NTM: variants seen among roughly 807,000 people sequenced by gnomAD.
The protein encoded by NTM is IgLON family member 2.
In NTM, 13 loss-of-function variants were observed where a neutral mutation model predicts 42.1. The ratio of observed to expected loss-of-function variants is 0.31; its 90% CI spans 0.20 to 0.49. The LOEUF (loss-of-function observed/expected upper bound fraction) is 0.49, where lower values mean the gene tolerates loss of function less well. Among genes scored for constraint, NTM ranks in the 20% least tolerant of loss-of-function variants. NTM has a pLI of 0.99. For synonymous variants in NTM, 187 were observed against 179.2 expected, an observed-to-expected ratio of 1.04 and a Z score of -0.35; for missense variants, 373 against 452.8, an observed-to-expected ratio of 0.82 and a Z score of 1.60.
At position 132,307,838 on chromosome 11, in the gene NTM, C is replaced by T. The variant is rs2095144986; in HGVS notation, c.661+15C>T. The T allele has an allele frequency of 5.0e-6, 8 of 1,613,176 alleles. No individual in the cohort carries two copies. The highest frequency in any genetic ancestry group is 6.8e-6 in the Non-Finnish European group (8 of 1,179,488). The stretch of plus-strand genomic sequence containing the variant: ...CACCGTGAACTGTAAGTGTTCTCAC[C>T]ACCACGCGCCCTGCACGTGCATCAG... On this transcript the variant is annotated intron_variant, in intron 5 of 8. Coordinates refer to ENST00000683400, the MANE Select transcript of NTM (RefSeq NM_001352005.2).
chr11:131,906,374 G>T (rs1716633442), intron 1 of NTM, among the ~76,000 whole-genome samples: 1 of 152,072 alleles, frequency 6.6e-6, no homozygotes, highest in South Asian at 2.1e-4. Flanking sequence ...TTCTAGTCTG[G>T]ATTGGCCAGT....
intron 1 of NTM, among the ~76,000 whole-genome samples, chr11:131,386,783 C>G (rs1224093118): frequency 4.6e-5 from 7 of 152,140 alleles, no homozygotes; most frequent in African/African-American, 1.7e-4. Flanking sequence ...CAGTATTAAT[C>G]ACTTTTCCCT....
At chr11:132,172,085 C>T (rs969386622) in intron 3 of NTM, among the ~76,000 whole-genome samples, 1 of 152,194 alleles carries the variant, frequency 6.6e-6, no homozygotes, top group Non-Finnish European at 1.5e-5. Context: ...AACAACAAGT[C>T]AGACTGCCTT....
At chr11:131,822,838 C>CA (rs11407045) in intron 1 of NTM, among the ~76,000 whole-genome samples, 60,666 of 151,988 alleles carry the variant, frequency 0.4, 12,317 homozygotes, top group East Asian at 0.48. Context: ...ATTTGCTTCT[C>CA]AAAAAAAGCG....
intron 2 of NTM, among the ~76,000 whole-genome samples, chr11:132,108,369 A>G (rs2062687045): frequency 6.6e-6 from 1 of 152,238 alleles, no homozygotes; most frequent in Admixed American, 6.5e-5. Context: ...GGAATGAAAT[A>G]GTGCCATTTG....
At chr11:131,967,660 G>C (rs990167561) in intron 2 of NTM, among the ~76,000 whole-genome samples, 7 of 152,224 alleles carry the variant, frequency 4.6e-5, no homozygotes, top group African/African-American at 1.7e-4. Flanking sequence ...CAATAGAGAA[G>C]AAAACATAAT....
chr11:132,161,181 A>G (rs1365074140), intron 3 of NTM, among the ~76,000 whole-genome samples: 5 of 151,840 alleles, frequency 3.3e-5, no homozygotes, highest in African/African-American at 9.7e-5. Context: ...GTTTCATACT[A>G]TTTGTGCTCC....
chr11:132,236,017 CACACAA>C (rs1566544807), intron 4 of NTM, among the ~76,000 whole-genome samples: 1 of 147,762 alleles, frequency 6.8e-6, no homozygotes, highest in Non-Finnish European at 1.5e-5. Context: ...CACACACACA[CACACAA>C]CAAAATTGTA....
chr11:131,946,386 G>A (rs2060348220), intron 2 of NTM, among the ~76,000 whole-genome samples: 1 of 152,280 alleles, frequency 6.6e-6, no homozygotes, highest in East Asian at 1.9e-4. Flanking sequence ...ATGCACCTAA[G>A]GCACATACAT....
intron 1 of NTM, among the ~76,000 whole-genome samples, chr11:131,717,033 G>T (rs2077767874): frequency 6.6e-6 from 1 of 151,894 alleles, no homozygotes; most frequent in African/African-American, 2.4e-5. Flanking sequence ...TAGAGATGAG[G>T]TTTTCTTATG....
chr11:131,701,573 T>C (rs1046558218), intron 1 of NTM, among the ~76,000 whole-genome samples: 3 of 152,240 alleles, frequency 2.0e-5, no homozygotes, highest in Admixed American at 2.0e-4. Flanking sequence ...CCTAGCTCTC[T>C]AGCTTTATAA....
intron 4 of NTM, among the ~76,000 whole-genome samples, chr11:132,298,906 A>G (rs2094727720): frequency 6.6e-6 from 1 of 152,214 alleles, no homozygotes; most frequent in Admixed American, 6.5e-5. Context: ...ACACACACAC[A>G]CACACGAAAT....
intron 2 of NTM, among the ~76,000 whole-genome samples, chr11:132,091,671 G>T (rs891164077): frequency 2.0e-5 from 3 of 151,734 alleles, no homozygotes; most frequent in African/African-American, 4.8e-5. Context: ...TGTATACTTG[G>T]TGGTCTGCTT....
At chr11:131,758,674 C>T (rs748502410) in intron 1 of NTM, among the ~76,000 whole-genome samples, 1 of 151,940 alleles carries the variant, frequency 6.6e-6, no homozygotes, top group Admixed American at 6.6e-5. Context: ...CTCACTGCAA[C>T]CTCAGCCTCC....
At chr11:132,230,596 G>A (rs529134830) in intron 4 of NTM, among the ~76,000 whole-genome samples, 4 of 152,338 alleles carry the variant, frequency 2.6e-5, no homozygotes, top group Non-Finnish European at 4.4e-5. Context: ...CGCGCCTTGC[G>A]CACTTTGCCC....
At chr11:131,945,425 T>G (rs550204990) in intron 2 of NTM, among the ~76,000 whole-genome samples, 1 of 152,318 alleles carries the variant, frequency 6.6e-6, no homozygotes, top group African/African-American at 2.4e-5. Context: ...CTTCTTGACT[T>G]GCTGGTGGGC....
At chr11:132,241,172 C>T (rs1256422701) in intron 4 of NTM, among the ~76,000 whole-genome samples, 1 of 152,106 alleles carries the variant, frequency 6.6e-6, no homozygotes, top group Admixed American at 6.5e-5. Context: ...TCAAAAAATC[C>T]AAAATCTGAA....
intron 4 of NTM, among the ~76,000 whole-genome samples, chr11:132,225,070 T>C (rs1405789455): frequency 1.3e-5 from 2 of 152,214 alleles, no homozygotes; most frequent in Non-Finnish European, 2.9e-5. Context: ...GAGGGATTTA[T>C]CAGATTGAAC....
intron 1 of NTM, among the ~76,000 whole-genome samples, chr11:131,762,682 A>G (rs551481147): frequency 6.6e-6 from 1 of 152,312 alleles, no homozygotes; most frequent in East Asian, 1.9e-4. Flanking sequence ...GAGCCAAGTA[A>G]CAAGACAGGA....
Sources: gnomAD v4.1 joint callset for allele counts (sites outside exome capture counted in the v4.1 genomes callset) on GRCh38, gnomAD v4.1.1 for gene constraint, MANE v1.5 for transcripts, NCBI Gene and HGNC (gene_info 2026-07-23, HGNC 2026-07-21) for gene names.